The following POLE variants were observed in gnomAD, a reference collection of about 807,000 sequenced individuals.
POLE encodes DNA polymerase epsilon, catalytic subunit.
POLE carries 188 observed loss-of-function variants against 279.2 expected under a neutral mutation model. The observed-to-expected ratio is 0.67, with a 90% confidence interval of 0.60 to 0.76. POLE has a LOEUF of 0.76. Among genes scored for constraint, POLE ranks in the 30% least tolerant of loss-of-function variants. The pLI is 0.00. For missense variants in POLE, 2,703 were observed against 3,016.7 expected (o/e 0.90, Z 2.44); for synonymous variants, 1,214 against 1,172.5 (o/e 1.04, Z -0.72).
In POLE at chr12:132,675,500, C is replaced by T. The variant is rs778572159; in HGVS notation, c.1124G>A (p.Arg375Gln). Residue 375 changes from arginine (R) to glutamine (Q), a missense_variant, in exon 12 of 49, where the codon CGG becomes CAG. By Grantham distance (43) the Arg-to-Gln change is conservative (BLOSUM62 1). Transcript: ENST00000320574. The surrounding 1 kb of genome is among the most constrained non-coding windows in gnomAD (Gnocchi z 4.3). ...CATGCTCAGACCGTGGACTGCTGCC[C>T]GGGCCTCCACAAATGGCCTGGGTTG... ...DFFDWPFVEA[R>Q]AAVHGLSMQQ... 3.7e-6 allele frequency: 6 copies of T among 1,613,954 alleles called. No homozygotes were observed. The highest frequency in any genetic ancestry group is 1.3e-5 in the African/African-American group (1 of 74,898).
rs1248513702 is a variant in POLE, at chr12:132,673,197, A to G, written c.1440T>C (p.Ala480=). The G allele has an allele frequency of 1.9e-6, 3 of 1,613,330 alleles. No individual in the cohort carries two copies. Among genetic ancestry groups the G allele is most frequent in the Admixed American group, 1.7e-5 (1 of 60,024 alleles). ...YMKYVHPFIF[A]LCTIIPMEPD... ...GCTCCATGGGAATAATGGTGCACAG[A>G]GCAAAGATGAATGGGTGGACGTACT... is the stretch of plus-strand genomic sequence containing the variant. Residue 480 remains alanine (A), a synonymous_variant, in exon 14 of 49, where the codon GCT becomes GCC. Transcript: ENST00000320574.
Position 132,668,439 on chromosome 12 carries a change from G to T in POLE, c.2090C>A (p.Pro697His), listed in dbSNP as rs36120395. 9 of 1,612,806 alleles carry T rather than the reference G, an allele frequency of 5.6e-6. No individual in the cohort carries two copies. The Admixed American group carries it at 1.0e-4, about 18-fold the overall frequency. The change falls in exon 19 of 49, where the codon CCC becomes CAC. Residue 697 changes from proline to histidine, a missense_variant. Physicochemically the swap from Pro to His is moderately conservative, Grantham distance 77. Transcript: ENST00000320574. The surrounding 1 kb of genome is among the most constrained non-coding windows in gnomAD (Gnocchi z 4.0). ...QHQLESEKFP[P>H]LFPEGPARAF... ...CCGAGCTGGCCCCTCTGGGAACAAG[G>T]GGGGGAACTTCTCTGACTCCAGCTG... is the stretch of plus-strand genomic sequence containing the variant.
rs113284917 is a variant in POLE at position 132,636,543 on chromosome 12, T to C, written c.5679-519A>G. 9.1e-3 allele frequency among the ~76,000 whole-genome samples: 1,362 copies of C among 149,420 alleles called. 15 individuals are homozygous for C. The highest frequency in any genetic ancestry group is 0.032 in the African/African-American group (1,303 of 40,474). ...GGCTGAGGCAGGAGGATCGCCTGAG[T>C]TCAGGAGTTCAAGACCACCCCAGGC... On this transcript the variant is annotated intron_variant, in intron 41 of 48. Transcript: ENST00000320574.
At chr12:132,656,706 A>C (rs1336126941) in intron 29 of POLE, among the ~76,000 whole-genome samples, 1 of 152,210 alleles carries the variant, frequency 6.6e-6, no homozygotes, top group Non-Finnish European at 1.5e-5. Context: ...TCTGATTTAT[A>C]GCTTACTTTT....
intron 32 of POLE, 108 bp from the exon 33 acceptor site, chr12:132,644,085 C>T (rs941262725): frequency 1.7e-5 from 19 of 1,119,612 alleles, no homozygotes; most frequent in African/African-American, 1.1e-4. Flanking sequence ...GTGCCCCTAG[C>T]GACGGGGTAC....
chr12:132,630,096 C>G (rs2041908179), intron 45 of POLE, among the ~76,000 whole-genome samples: 1 of 152,202 alleles, frequency 6.6e-6, no homozygotes, highest in Non-Finnish European at 1.5e-5. Flanking sequence ...GCGCACGGTT[C>G]ATGGCGCCCC....
chr12:132,673,471 G>A (rs2135998017), intron 13 of POLE, 104 bp downstream of exon 13: 1 of 1,518,946 alleles, frequency 6.6e-7, no homozygotes, highest in South Asian at 1.2e-5. Context: ...CGTGCACACG[G>A]CAGCAGGGGG....
Position 132,632,683 on chromosome 12 carries a change from C to A in POLE, c.6117G>T (p.Gly2039=), listed in dbSNP as rs1317417382. The A allele has an allele frequency of 6.2e-7, 1 of 1,614,036 alleles. No individual in the cohort carries two copies. Reference sequence around the variant, plus strand: ...GCTCACCGGGAAGGGCTCCGACCGCCCCCTCGGCCTCCTGGGAGAGCTGGC... The same window carrying A: ...GCTCACCGGGAAGGGCTCCGACCGCACCCTCGGCCTCCTGGGAGAGCTGGC... ...GASQLSQEAE[G]AVGALPGMIT... The change falls in exon 44 of 49, where the codon GGG becomes GGT. Residue 2039 remains glycine (G), a synonymous_variant. Transcript: ENST00000320574.
Position 132,642,727 on chromosome 12 carries a change from C to G in POLE, c.4731G>C (p.Glu1577Asp), listed in dbSNP as rs772361606. 3.1e-6 allele frequency: 5 copies of G among 1,613,502 alleles called. No individual in the cohort carries two copies. The East Asian group carries it at 1.1e-4, about 36-fold the overall frequency. ...AIQRFLLAYK[E>D]ERRGPTLIAV... Reference sequence around the variant, plus strand: ...CGATGAGTGTGGGCCCCCGGCGCTCCTCCTGGGTCAAGGCAAAATGGAAGA... The same window carrying G: ...CGATGAGTGTGGGCCCCCGGCGCTCGTCCTGGGTCAAGGCAAAATGGAAGA... The change falls in exon 37 of 49, where the codon GAG becomes GAC. Residue 1577 changes from glutamate (E) to aspartate (D), a missense_variant and splice_region_variant. This residue lies in a region of POLE where 1,551 missense variants were observed against 1,686.1 expected (regional missense o/e 0.92). Coordinates refer to ENST00000320574, the MANE Select transcript of POLE (RefSeq NM_006231.4).
chr12:132,625,894 A>G, intron 46 of POLE, 124 bp from the exon 47 acceptor site: 3 of 1,338,826 alleles, frequency 2.2e-6, no homozygotes, highest in Non-Finnish European at 3.1e-6. Flanking sequence ...TCCTGAGTGC[A>G]GCTGCACGCA....
intron 1 of POLE, among the ~76,000 whole-genome samples, chr12:132,686,770 T>C (rs1045067455): frequency 4.6e-5 from 7 of 152,174 alleles, no homozygotes; most frequent in Admixed American, 4.6e-4. Flanking sequence ...GGTCTCTCTC[T>C]GTAGCCCAGG....
At position 132,671,464 on chromosome 12, in the gene POLE, T is replaced by C. The variant is rs5744788; in HGVS notation, c.1794+751A>G. On this transcript the variant is annotated intron_variant, in intron 16 of 48. Transcript: ENST00000320574. ...GGCAGGCGGATCACAAGGTCAGGAG[T>C]TCAAGATCAGACTGGACAACATGGT... is the stretch of plus-strand genomic sequence containing the variant. 4.7e-4 allele frequency among the ~76,000 whole-genome samples: 69 copies of C among 147,264 alleles called. 1 individual carries two copies. The East Asian group carries it at 8.1e-3, about 17-fold the overall frequency.
At chr12:132,678,407 GTAA>G (rs544706725) in intron 6 of POLE, among the ~76,000 whole-genome samples, 5 of 150,636 alleles carry the variant, frequency 3.3e-5, no homozygotes, top group Non-Finnish European at 3.0e-5. Context: ...CTCTACAAAA[GTAA>G]TAATAATAAT....
intron 39 of POLE, among the ~76,000 whole-genome samples, chr12:132,640,380 G>GA (rs1381437644): frequency 1.3e-5 from 2 of 152,230 alleles, no homozygotes; most frequent in Admixed American, 6.5e-5. Context: ...ACACTAGGGG[G>GA]AACACAAGGC....
rs1423150986 is a variant in POLE, at chr12:132,624,539, A to C, written c.*158T>G. On this transcript the variant is annotated 3_prime_UTR_variant, in exon 49 of 49. Coordinates refer to ENST00000320574, the MANE Select transcript of POLE (RefSeq NM_006231.4). ...CCTCCTGTGACGTCTGAGCTCCCTGAAAATGGTTTTCTTTGGTTTCCTCCC... is the reference window on the plus strand; with the variant it reads ...CCTCCTGTGACGTCTGAGCTCCCTGCAAATGGTTTTCTTTGGTTTCCTCCC... 3.1e-6 allele frequency: 2 copies of C among 644,036 alleles called. No individual in the cohort carries two copies. Among genetic ancestry groups the C allele is most frequent in the Non-Finnish European group, 5.6e-6 (2 of 356,000 alleles). 39.9% of individuals were successfully genotyped at this position (644,036 alleles called of 1,614,324 possible). A position where few individuals can be genotyped will look rare whatever the true frequency, so the allele number is the denominator to read the frequency against.
intron 31 of POLE, 98 bp from the exon 32 acceptor site, chr12:132,649,170 T>A (rs2042357510): frequency 5.3e-6 from 8 of 1,518,154 alleles, no homozygotes; most frequent in Non-Finnish European, 7.2e-6. Flanking sequence ...GCACAGGGCC[T>A]TAGGCCTCCC....
Position 132,632,713 on chromosome 12 carries a change from C to T in POLE, c.6087G>A (p.Gly2029=). The change falls in exon 44 of 49, where the codon GGG becomes GGA. Residue 2029 remains glycine (G), a synonymous_variant. Transcript: ENST00000320574. ...CGGCCTCCTGGGAGAGCTGGCTGGC[C>T]CCCCTCCTCCTCACGGGGGTGCTCC... is the stretch of plus-strand genomic sequence containing the variant. The part of the protein sequence containing the change: ...APGSTPVRRR[G]ASQLSQEAEG... 6.2e-7 allele frequency: 1 copy of T among 1,613,870 alleles called. No homozygotes were observed. The highest frequency in any genetic ancestry group is 2.2e-5 in the East Asian group (1 of 44,834).
At position 132,672,271 on chromosome 12, in the gene POLE, G is replaced by A. The variant is rs371149234; in HGVS notation, c.1738C>T (p.His580Tyr). ...LLQRVEKTLR[H>Y]ALEEEEKVPV... ...ACTTTCTCCTCTTCCTCAAGGGCGT[G>A]GCGCAAGGTCTTCTCAACCCGCTGC... Residue 580 changes from histidine (H) to tyrosine (Y), a missense_variant, in exon 16 of 49, where the codon CAC (histidine) becomes TAC (tyrosine). Coordinates refer to ENST00000320574, the MANE Select transcript of POLE (RefSeq NM_006231.4). 6.2e-7 allele frequency: 1 copy of A among 1,614,210 alleles called. No individual in the cohort carries two copies. The highest frequency in any genetic ancestry group is 2.2e-5 in the East Asian group (1 of 44,896).
intron 16 of POLE, among the ~76,000 whole-genome samples, chr12:132,671,613 G>A (rs2042929725): frequency 6.9e-6 from 1 of 144,332 alleles, no homozygotes; most frequent in Non-Finnish European, 1.5e-5. Context: ...AGGTTGCAGT[G>A]AGCCAAACTC....
Sources: gnomAD v4.1 joint callset for allele counts (sites outside exome capture counted in the v4.1 genomes callset) on GRCh38, gnomAD v4.1.1 for gene constraint, gnomAD v4.1.1 regional missense constraint, Gnocchi (gnomAD v3.1) non-coding constraint, MANE v1.5 for transcripts, NCBI Gene and HGNC (gene_info 2026-07-23, HGNC 2026-07-21) for gene names.